SLC16A12: variants seen among roughly 807,000 people sequenced by gnomAD.
SLC16A12 encodes solute carrier family 16 member 12, also known as monocarboxylate transporter 12.
In SLC16A12, 17 loss-of-function variants were observed where a neutral mutation model predicts 42.4. The observed-to-expected ratio is 0.40, with a 90% confidence interval of 0.27 to 0.60. The LOEUF (loss-of-function observed/expected upper bound fraction) is 0.60. Ranked by LOEUF, SLC16A12 falls within the 20% of genes least tolerant of loss-of-function variation. The pLI is 0.42. For missense variants in SLC16A12, 544 were observed against 623.0 expected (o/e 0.87, Z 1.35); for synonymous variants, 224 against 229.4 (o/e 0.98, Z 0.21).
intron 5 of SLC16A12, among the ~76,000 whole-genome samples, chr10:89,440,751 G>A (rs1024945813): frequency 5.3e-5 from 8 of 152,188 alleles, no homozygotes; most frequent in South Asian, 2.1e-4. Context: ...CAGATTGACC[G>A]TCAATAGTAT....
intron 2 of SLC16A12, among the ~76,000 whole-genome samples, chr10:89,553,375 A>G (rs189123876): frequency 5.9e-5 from 9 of 152,318 alleles, no homozygotes; most frequent in Non-Finnish European, 1.3e-4. Context: ...TTTGCACATT[A>G]GGTACTACAC....
intron 2 of SLC16A12, among the ~76,000 whole-genome samples, chr10:89,494,055 G>A (rs534511812): frequency 3.3e-4 from 50 of 152,172 alleles, no homozygotes; most frequent in African/African-American, 1.1e-3. Flanking sequence ...AATCCCCCAC[G>A]CTATATTTCT....
intron 2 of SLC16A12, among the ~76,000 whole-genome samples, chr10:89,471,604 A>G (rs1842495448): frequency 6.6e-6 from 1 of 152,174 alleles, no homozygotes; most frequent in South Asian, 2.1e-4. Context: ...TGAGTGTACA[A>G]GTCTTTTTGT....
chr10:89,481,674 A>AGT lies in SLC16A12; in HGVS notation c.-46-19051_-46-19050insAC, dbSNP rs1564583942. ...GTGTGTGTGTGTGTGTGAGAGAGAG[A>AGT]GAGAGTGTGTGTGTGTGTGTGTGTG... On this transcript the variant is annotated intron_variant, in intron 2 of 7. Transcript: ENST00000371790. Among the ~76,000 whole-genome samples the AGT allele has an allele frequency of 5.9e-3, 878 of 148,732 alleles. 9 individuals are homozygous for AGT. The highest frequency in any genetic ancestry group is 0.021 in the African/African-American group (851 of 40,326).
chr10:89,509,423 G>A (rs1195537545), intron 2 of SLC16A12, among the ~76,000 whole-genome samples: 1 of 152,212 alleles, frequency 6.6e-6, no homozygotes, highest in African/African-American at 2.4e-5. Context: ...TCCCTTGGAT[G>A]CAAGGCTGGT....
At chr10:89,468,420 G>T (rs1842440797) in intron 2 of SLC16A12, among the ~76,000 whole-genome samples, 1 of 152,226 alleles carries the variant, frequency 6.6e-6, no homozygotes, top group Non-Finnish European at 1.5e-5. Context: ...CACTGCATGT[G>T]AGTGTAAATG....
intron 2 of SLC16A12, among the ~76,000 whole-genome samples, chr10:89,495,771 G>T (rs148580659): frequency 6.6e-6 from 1 of 152,166 alleles, no homozygotes; most frequent in Non-Finnish European, 1.5e-5. Flanking sequence ...CATCATGATC[G>T]TGGGGCTGAC....
intron 2 of SLC16A12, among the ~76,000 whole-genome samples, chr10:89,481,396 A>T (rs1240407776): frequency 1.3e-5 from 2 of 152,062 alleles, no homozygotes; most frequent in Admixed American, 6.6e-5. Context: ...TACTTGGCGT[A>T]GTTGACATTT....
At chr10:89,538,541 G>A (rs369241367), upstream of SLC16A12, among the ~76,000 whole-genome samples, 38 of 152,222 alleles carry the variant, frequency 2.5e-4, no homozygotes, top group East Asian at 5.4e-3. Context: ...GGACAGTGAC[G>A]CTTAGAGGCC....
At chr10:89,497,857 A>G (rs1564590035) in intron 2 of SLC16A12, among the ~76,000 whole-genome samples, 1 of 152,182 alleles carries the variant, frequency 6.6e-6, no homozygotes, top group Non-Finnish European at 1.5e-5. Context: ...TATTTTATGT[A>G]TGTATGTTAC....
chr10:89,484,846 C>A (rs1025416753), intron 2 of SLC16A12, among the ~76,000 whole-genome samples: 2 of 152,180 alleles, frequency 1.3e-5, no homozygotes, highest in African/African-American at 4.8e-5. Context: ...AATTCCACTC[C>A]CCAGCATGAT....
chr10:89,434,138 T>C (rs1246761146), intron 7 of SLC16A12, among the ~76,000 whole-genome samples: 1 of 152,204 alleles, frequency 6.6e-6, no homozygotes, highest in Non-Finnish European at 1.5e-5. Context: ...ATGTAGAAGT[T>C]GTTATAAGCC....
At chr10:89,441,280 C>T (rs775155378) in intron 4 of SLC16A12, 29 bp from the exon 5 acceptor site, 2 of 1,613,422 alleles carry the variant, frequency 1.2e-6, no homozygotes, top group African/African-American at 1.3e-5. Flanking sequence ...ATAGGTTCAA[C>T]AGAAAGGCCT....
intron 2 of SLC16A12, among the ~76,000 whole-genome samples, chr10:89,534,270 G>A (rs1436760063): frequency 6.6e-6 from 1 of 152,164 alleles, no homozygotes; most frequent in Non-Finnish European, 1.5e-5. Flanking sequence ...CATTTATGGA[G>A]GGGGAGCGAC....
intron 2 of SLC16A12, among the ~76,000 whole-genome samples, chr10:89,470,538 A>G (rs1164224791): frequency 6.6e-6 from 1 of 152,222 alleles, no homozygotes; most frequent in African/African-American, 2.4e-5. Context: ...GGATTCCCCC[A>G]TGTTCTCAAT....
intron 3 of SLC16A12, among the ~76,000 whole-genome samples, chr10:89,444,955 C>A (rs948719305): frequency 5.9e-5 from 9 of 152,382 alleles, no homozygotes; most frequent in East Asian, 3.9e-4. Context: ...TATCCTGTGC[C>A]TAGCTCAGCA....
At chr10:89,533,172 T>TC (rs1843587621) in intron 2 of SLC16A12, among the ~76,000 whole-genome samples, 1 of 151,922 alleles carries the variant, frequency 6.6e-6, no homozygotes, top group South Asian at 2.1e-4. Flanking sequence ...TTTTTAGTTT[T>TC]TTTTTTTTCC....
chr10:89,444,666 G>A (rs1841969032), intron 3 of SLC16A12, among the ~76,000 whole-genome samples: 1 of 152,188 alleles, frequency 6.6e-6, no homozygotes, highest in Admixed American at 6.5e-5. Flanking sequence ...AACAGCTCTG[G>A]TCTGCAGCTC....
intron 2 of SLC16A12, among the ~76,000 whole-genome samples, chr10:89,545,437 G>C (rs1020563701): frequency 2.6e-5 from 4 of 152,116 alleles, no homozygotes; most frequent in African/African-American, 9.7e-5. Context: ...GACAAGCAGA[G>C]AGTCAAATCA....
Sources: gnomAD v4.1 joint callset for allele counts (sites outside exome capture counted in the v4.1 genomes callset) on GRCh38, gnomAD v4.1.1 for gene constraint, MANE v1.5 for transcripts, NCBI Gene and HGNC (gene_info 2026-07-23, HGNC 2026-07-21) for gene names.